The following SACS variants were observed in gnomAD, a reference collection of about 807,000 sequenced individuals.
SACS encodes the protein sacsin.
Under a neutral mutation model 348.0 loss-of-function variants are expected in SACS, and 197 were observed. That is an observed-to-expected ratio of 0.57 (90% CI 0.50 to 0.64). SACS has a LOEUF of 0.64. SACS is among the 30% of genes least tolerant of loss of function. SACS has a pLI of 0.00. For synonymous variants in SACS, 1,985 were observed against 1,910.6 expected (o/e 1.04, Z -1.02); for missense variants, 4,999 against 5,360.8 (o/e 0.93, Z 2.11).
rs746316505 is a variant in SACS at position 23,333,701 on chromosome 13, T to C, written c.10175A>G (p.Asn3392Ser). Residue 3392 changes from asparagine (N) to serine (S), a missense_variant, in exon 10 of 10, where the codon AAC (asparagine) becomes AGC (serine). This residue lies in a region of SACS where 734 missense variants were observed against 694.0 expected (regional missense o/e 1.06). Coordinates refer to ENST00000382292, the MANE Select transcript of SACS (RefSeq NM_014363.6). ...GGACATCAAATGATTCAAATTGCAG[T>C]TGAAATACATCAAAAGTGCCTCAAA... ...NDFEALLMYF[N>S]CNLNHLMSQD... 1 of 1,613,820 alleles carries C rather than the reference T, an allele frequency of 6.2e-7. No homozygotes were observed. The highest frequency in any genetic ancestry group is 1.7e-5 in the Admixed American group (1 of 59,994).
In SACS at chr13:23,330,468, T is replaced by C. The variant is rs1050647923; in HGVS notation, c.13408A>G (p.Asn4470Asp). 6.2e-7 allele frequency: 1 copy of C among 1,614,076 alleles called. No individual in the cohort carries two copies. The highest frequency in any genetic ancestry group is 8.5e-7 in the Non-Finnish European group (1 of 1,180,044). The change falls in exon 10 of 10, where the codon AAT (asparagine) becomes GAT (aspartate). Residue 4470 changes from asparagine (N) to aspartate (D), a missense_variant. By Grantham distance (23) the Asn-to-Asp change is conservative (BLOSUM62 1). Coordinates refer to ENST00000382292, the MANE Select transcript of SACS (RefSeq NM_014363.6). Reference protein sequence around the residue: ...AARNDLHKNANEWVCFKCYLS... With the variant: ...AARNDLHKNADEWVCFKCYLS... ...TAACATTTAAAGCACACCCACTCATTGGCATTTTTATGAAGGTCATTCCTG... is the reference window on the plus strand; with the variant it reads ...TAACATTTAAAGCACACCCACTCATCGGCATTTTTATGAAGGTCATTCCTG...
chr13:23,392,137 A>C (rs1032343123), intron 2 of SACS, among the ~76,000 whole-genome samples: 2 of 152,178 alleles, frequency 1.3e-5, no homozygotes, highest in Non-Finnish European at 2.9e-5. Flanking sequence ...GTCAGGAGGC[A>C]TCCTGTTGCC....
chr13:23,425,864 A>G (rs1040682284), intron 1 of SACS, among the ~76,000 whole-genome samples: 37 of 152,336 alleles, frequency 2.4e-4, no homozygotes, highest in African/African-American at 8.9e-4. Flanking sequence ...AAGGCAGAGA[A>G]TATTAGTATA....
At chr13:23,371,247 C>CACTTAACAAGCATT in intron 3 of SACS, 82 bp from the exon 4 acceptor site, 2 of 757,502 alleles carry the variant, frequency 2.6e-6, no homozygotes, top group Non-Finnish European at 4.1e-6. Flanking sequence ...CAAATTTTTT[C>CACTTAACAAGCATT]ACTTAAGTAA....
intron 2 of SACS, among the ~76,000 whole-genome samples, chr13:23,392,443 T>C (rs1277475769): frequency 6.6e-6 from 1 of 152,134 alleles, no homozygotes; most frequent in Non-Finnish European, 1.5e-5. Flanking sequence ...CACTTTGGGG[T>C]GTGAGAGTCA....
At chr13:23,414,518 G>A (rs1016003515) in intron 1 of SACS, among the ~76,000 whole-genome samples, 11 of 147,114 alleles carry the variant, frequency 7.5e-5, no homozygotes, top group African/African-American at 2.7e-4. Flanking sequence ...ATTCATGCTT[G>A]TCGACCTCAC....
chr13:23,369,169 C>T (rs1871236869), intron 4 of SACS, among the ~76,000 whole-genome samples: 1 of 152,054 alleles, frequency 6.6e-6, no homozygotes, highest in Admixed American at 6.5e-5. Context: ...AAATAACAAG[C>T]CAGAGACAGA....
At chr13:23,401,465 G>T (rs374518960) in intron 2 of SACS, among the ~76,000 whole-genome samples, 2 of 152,156 alleles carry the variant, frequency 1.3e-5, no homozygotes, top group Non-Finnish European at 2.9e-5. Context: ...TATATTGATG[G>T]ATGTCTCATG....
chr13:23,337,447 A>G lies in SACS; in HGVS notation c.6429T>C (p.Ile2143=). The G allele has an allele frequency of 6.2e-7, 1 of 1,612,678 alleles. No individual in the cohort carries two copies. Among genetic ancestry groups the G allele is most frequent in the Non-Finnish European group, 8.5e-7 (1 of 1,179,400 alleles). The change falls in exon 10 of 10, where the codon ATT becomes ATC. Residue 2143 remains isoleucine (I), a synonymous_variant. Coordinates refer to ENST00000382292, the MANE Select transcript of SACS (RefSeq NM_014363.6). ...YGSTQDYLNP[I]ILIKLVQLGM... Reference sequence around the variant, plus strand: ...CTAACTGAACTAGTTTAATCAAAATAATAGGATTGAGATAATCCTGAGTAG... The same window carrying G: ...CTAACTGAACTAGTTTAATCAAAATGATAGGATTGAGATAATCCTGAGTAG...
intron 2 of SACS, among the ~76,000 whole-genome samples, chr13:23,379,278 C>T (rs963098202): frequency 6.6e-6 from 1 of 152,204 alleles, no homozygotes; most frequent in Non-Finnish European, 1.5e-5. Context: ...GTGTTCCTCT[C>T]CTGTTCATTC....
intron 2 of SACS, among the ~76,000 whole-genome samples, chr13:23,390,133 T>C (rs907163668): frequency 2.6e-5 from 4 of 152,200 alleles, no homozygotes; most frequent in South Asian, 2.1e-4. Flanking sequence ...GGAGCTTCTG[T>C]AGGCTTCAAA....
At position 23,330,771 on chromosome 13, in the gene SACS, C is replaced by T; in HGVS notation, c.13105G>A (p.Asp4369Asn). The T allele has an allele frequency of 1.2e-6, 2 of 1,613,598 alleles. No individual in the cohort carries two copies. The highest frequency in any genetic ancestry group is 1.7e-6 in the Non-Finnish European group (2 of 1,179,852). The change falls in exon 10 of 10, where the codon GAT (aspartate) becomes AAT (asparagine). Residue 4369 changes from aspartate (D) to asparagine (N), a missense_variant. By Grantham distance (23) the Asp-to-Asn change is conservative. This residue lies in a region of SACS where 254 missense variants were observed against 275.1 expected (regional missense o/e 0.92). Coordinates refer to ENST00000382292, the MANE Select transcript of SACS (RefSeq NM_014363.6). The part of the protein sequence containing the change: ...INRLEKQAFL[D>N]QNADRASRRT... ...CTGGAGGCCCTGTCTGCATTTTGAT[C>T]TAGAAAAGCCTGTTTTTCTAATCTG...
Position 23,331,848 on chromosome 13 carries a change from G to C in SACS, c.12028C>G (p.Gln4010Glu). ...ATTCTAATCAGTCCTGTAATGAACT[G>C]TTCAGAAGACAAGAGTAACTGCAAT... is the stretch of plus-strand genomic sequence containing the variant. ...GRLQLLLSSE[Q>E]FITGLIRIMK... Residue 4010 changes from glutamine to glutamate, a missense_variant, in exon 10 of 10, where the codon CAG (glutamine) becomes GAG (glutamate). Coordinates refer to ENST00000382292, the MANE Select transcript of SACS (RefSeq NM_014363.6). The C allele has an allele frequency of 6.2e-7, 1 of 1,613,964 alleles. No homozygotes were observed. The highest frequency in any genetic ancestry group is 8.5e-7 in the Non-Finnish European group (1 of 1,179,930).
Position 23,337,236 on chromosome 13 carries a change from G to T in SACS, c.6640C>A (p.Arg2214Ser). 6.2e-7 allele frequency: 1 copy of T among 1,613,836 alleles called. No homozygotes were observed. The highest frequency in any genetic ancestry group is 8.5e-7 in the Non-Finnish European group (1 of 1,179,900). ...KDFAAKYQTIRFLPFLTKPAG... is the reference protein window; with the variant it reads ...KDFAAKYQTISFLPFLTKPAG... ...GGTTTTGTCAGAAATGGAAGGAAGCGGATTGTTTGATATTTTGCAGCAAAA... is the reference window on the plus strand; with the variant it reads ...GGTTTTGTCAGAAATGGAAGGAAGCTGATTGTTTGATATTTTGCAGCAAAA... The change falls in exon 10 of 10, where the codon CGC (arginine) becomes AGC (serine). Residue 2214 changes from arginine (R) to serine (S), a missense_variant. This residue lies in a region of SACS where 3,156 missense variants were observed against 3,380.1 expected (regional missense o/e 0.93). Coordinates refer to ENST00000382292, the MANE Select transcript of SACS (RefSeq NM_014363.6).
In SACS at chr13:23,335,628, A is replaced by C; in HGVS notation, c.8248T>G (p.Cys2750Gly). 6.2e-7 allele frequency: 1 copy of C among 1,613,924 alleles called. No individual in the cohort carries two copies. Among genetic ancestry groups the C allele is most frequent in the Non-Finnish European group, 8.5e-7 (1 of 1,179,884 alleles). ...FLNHMEKISI[C>G]EIDKSTGALN... ...GCTCCAGTACTCTTATCTATTTCAC[A>C]AATAGAAATTTTTTCCATGTGATTA... is the stretch of plus-strand genomic sequence containing the variant. The change falls in exon 10 of 10, where the codon TGT becomes GGT. Residue 2750 changes from cysteine to glycine, a missense_variant. Coordinates refer to ENST00000382292, the MANE Select transcript of SACS (RefSeq NM_014363.6). This position sits in a 1 kb window ranked among gnomAD's most constrained non-coding sequence, Gnocchi z 4.7.
chr13:23,353,199 C>CT (rs1401969407), intron 9 of SACS, among the ~76,000 whole-genome samples: 2 of 152,212 alleles, frequency 1.3e-5, no homozygotes, highest in African/African-American at 4.8e-5. Flanking sequence ...ACACCCATCA[C>CT]TTTAAGACCC....
intron 1 of SACS, among the ~76,000 whole-genome samples, chr13:23,416,257 G>T (rs1446964194): frequency 7.2e-6 from 1 of 138,118 alleles, no homozygotes; most frequent in Non-Finnish European, 1.7e-5. Flanking sequence ...ACTCCAGCCT[G>T]GGGGACAGAG....
At chr13:23,369,916 T>G (rs938907863) in intron 4 of SACS, among the ~76,000 whole-genome samples, 1 of 151,420 alleles carries the variant, frequency 6.6e-6, no homozygotes, top group Non-Finnish European at 1.5e-5. Context: ...TGGAGTGCAA[T>G]GGAGCGATCT....
chr13:23,376,198 G>T (rs984636234), intron 2 of SACS, among the ~76,000 whole-genome samples: 10 of 152,132 alleles, frequency 6.6e-5, no homozygotes, highest in African/African-American at 2.4e-4. Flanking sequence ...ATTGTTGGTA[G>T]CCTGAATGTC....
Sources: allele counts gnomAD v4.1 joint callset (sites outside exome capture counted in the v4.1 genomes callset), GRCh38; gene constraint gnomAD v4.1.1; regional missense constraint gnomAD v4.1.1; non-coding constraint Gnocchi (gnomAD v3.1); transcripts MANE v1.5; gene names NCBI Gene and HGNC (gene_info 2026-07-23, HGNC 2026-07-21).